Variants in ANKRD13C observed in about 807,000 individuals in gnomAD.
ANKRD13C encodes the protein ankyrin repeat domain 13C.
In ANKRD13C, 16 loss-of-function variants were observed where a neutral mutation model predicts 65.5. The ratio of observed to expected loss-of-function variants is 0.24; its 90% CI spans 0.17 to 0.37. ANKRD13C has a LOEUF of 0.37. ANKRD13C is among the 10% of genes least tolerant of loss of function. ANKRD13C has a pLI of 1.00. For synonymous variants in ANKRD13C, 235 were observed against 238.7 expected (o/e 0.98, Z 0.14); for missense variants, 503 against 655.9 (o/e 0.77, Z 2.55).
At position 70,354,403 on chromosome 1, in the gene ANKRD13C, G is replaced by A. The variant is rs748000062; in HGVS notation, c.6C>T (p.Thr2=). M[T]GEKIRSLRRD... is the part of the protein sequence containing the mutation. ...TCCGCAGTGAGCGGATCTTCTCCCC[G>A]GTCATCGCCGCCGCCAGGGGCAAGG... Residue 2 remains threonine, a synonymous_variant, in exon 1 of 13, where the codon ACC becomes ACT. Coordinates refer to ENST00000370944, the MANE Select transcript of ANKRD13C (RefSeq NM_030816.5). The A allele has an allele frequency of 6.2e-7, 1 of 1,610,566 alleles. No homozygotes were observed. The highest frequency in any genetic ancestry group is 2.2e-5 in the East Asian group (1 of 44,788).
intron 12 of ANKRD13C, among the ~76,000 whole-genome samples, chr1:70,264,939 A>G (rs1678547760): frequency 6.6e-6 from 1 of 152,200 alleles, no homozygotes; most frequent in South Asian, 2.1e-4. Context: ...TGGAGGACGA[A>G]AATTCCAAAT....
intron 3 of ANKRD13C, among the ~76,000 whole-genome samples, chr1:70,319,145 A>G (rs1484875629): frequency 6.6e-6 from 1 of 152,206 alleles, no homozygotes. Context: ...TTATCTAATA[A>G]TAACAAGCCC....
At chr1:70,335,234 G>C (rs1681970329) in intron 2 of ANKRD13C, among the ~76,000 whole-genome samples, 1 of 151,774 alleles carries the variant, frequency 6.6e-6, no homozygotes, top group Non-Finnish European at 1.5e-5. Context: ...GTGAAGCCCT[G>C]TCTCTACTAA....
chr1:70,302,341 G>T (rs1042034625), intron 6 of ANKRD13C, among the ~76,000 whole-genome samples: 13 of 152,044 alleles, frequency 8.6e-5, no homozygotes, highest in Non-Finnish European at 1.6e-4. Context: ...TTGCTTTATA[G>T]CTGAATTCTA....
Position 70,354,633 on chromosome 1 carries a change from G to A in ANKRD13C, c.-225C>T. On this transcript the variant is annotated 5_prime_UTR_variant, in exon 1 of 13. Coordinates refer to ENST00000370944, the MANE Select transcript of ANKRD13C (RefSeq NM_030816.5). ...CGCTGGGGGAAGCTAGAACTCAGGTGCCCACGACACCAGGATCTCAGTCTC... is the reference window on the plus strand; with the variant it reads ...CGCTGGGGGAAGCTAGAACTCAGGTACCCACGACACCAGGATCTCAGTCTC... 1 of 1,064,330 alleles carries A rather than the reference G, an allele frequency of 9.4e-7. No homozygotes were observed. The highest frequency in any genetic ancestry group is 1.3e-6 in the Non-Finnish European group (1 of 763,250). The allele number at this position is 1,064,330 out of a possible 1,614,324, so 65.9% of individuals were successfully genotyped here. A position where few individuals can be genotyped will look rare whatever the true frequency, so the allele number is the denominator to read the frequency against.
At chr1:70,315,406 A>G in intron 4 of ANKRD13C, 75 bp downstream of exon 4, 2 of 1,285,094 alleles carry the variant, frequency 1.6e-6, no homozygotes, top group Admixed American at 2.2e-5. Flanking sequence ...TTTAAGTTGT[A>G]TTAAGAAAAA....
In ANKRD13C at chr1:70,354,194, G is replaced by A. The variant is rs1352074740; in HGVS notation, c.215C>T (p.Pro72Leu). ...CAGCGGCAGAGCCGGGGCGCCGGGG[G>A]GATTGGAGGAGGCCGGAGCTGCCTT... ...QLKAAPASSNPPGAPALPLHN... is the reference protein window; with the variant it reads ...QLKAAPASSNLPGAPALPLHN... Residue 72 changes from proline (P) to leucine (L), a missense_variant, in exon 1 of 13, where the codon CCC (proline) becomes CTC (leucine). Pro to Leu is a moderately conservative substitution (Grantham distance 98). Transcript: ENST00000370944. 2.0e-5 allele frequency: 32 copies of A among 1,613,750 alleles called. No homozygotes were observed. The highest frequency in any genetic ancestry group is 2.5e-5 in the Non-Finnish European group (30 of 1,180,034).
At position 70,315,050 on chromosome 1, in the gene ANKRD13C, G is replaced by A. The variant is rs149657867; in HGVS notation, c.663+431C>T. Among the ~76,000 whole-genome samples the A allele has an allele frequency of 7.8e-3, 1,182 of 152,190 alleles. 15 individuals carry two copies. Among genetic ancestry groups the A allele is most frequent in the African/African-American group, 0.027 (1,122 of 41,532 alleles). ...GCTCAGGAGTTTGATACCAGCCTGG[G>A]TAATATGGTGAAACCCCATCTCTAC... is the stretch of plus-strand genomic sequence containing the variant. On this transcript the variant is annotated intron_variant, in intron 4 of 12. Transcript: ENST00000370944.
intron 5 of ANKRD13C, among the ~76,000 whole-genome samples, chr1:70,310,646 T>TA (rs1680810366): frequency 6.6e-6 from 1 of 152,356 alleles, no homozygotes; most frequent in African/African-American, 2.4e-5. Flanking sequence ...TTAGTATAAT[T>TA]AAAATATCAC....
intron 9 of ANKRD13C, among the ~76,000 whole-genome samples, chr1:70,287,394 A>T (rs58696538): frequency 0.095 from 14,403 of 152,032 alleles, 822 homozygotes; most frequent in East Asian, 0.29. Context: ...AGGCAAAAAA[A>T]AAATAAATAA....
chr1:70,281,944 G>A (rs139020388), intron 9 of ANKRD13C, among the ~76,000 whole-genome samples: 62 of 151,202 alleles, frequency 4.1e-4, no homozygotes, highest in African/African-American at 1.2e-3. Flanking sequence ...AGGTTGCAGT[G>A]AGCTGAGGTC....
intron 7 of ANKRD13C, among the ~76,000 whole-genome samples, chr1:70,298,935 C>G (rs910631959): frequency 2.0e-5 from 3 of 151,876 alleles, no homozygotes; most frequent in Non-Finnish European, 4.4e-5. Flanking sequence ...GTTTACCAAC[C>G]TATAGCGTAG....
chr1:70,347,624 T>G (rs974942242), intron 1 of ANKRD13C, among the ~76,000 whole-genome samples: 2 of 152,194 alleles, frequency 1.3e-5, no homozygotes, highest in Non-Finnish European at 2.9e-5. Context: ...TGTGTTCTTA[T>G]CACAACATTT....
At chr1:70,323,806 C>A (rs902004939) in intron 3 of ANKRD13C, among the ~76,000 whole-genome samples, 8 of 150,796 alleles carry the variant, frequency 5.3e-5, no homozygotes, top group Non-Finnish European at 1.5e-5. Context: ...CTCACTGCAA[C>A]CTCCGCCTCC....
intron 11 of ANKRD13C, among the ~76,000 whole-genome samples, chr1:70,273,378 A>C (rs1417125488): frequency 1.3e-5 from 2 of 152,176 alleles, no homozygotes; most frequent in African/African-American, 4.8e-5. Flanking sequence ...TTTAGTGAGG[A>C]GCCTAAAACT....
At chr1:70,345,910 A>C (rs767205493) in intron 1 of ANKRD13C, among the ~76,000 whole-genome samples, 39 of 152,224 alleles carry the variant, frequency 2.6e-4, no homozygotes, top group Non-Finnish European at 5.1e-4. Flanking sequence ...TTAAAGTAAA[A>C]ATGGTGTTCC....
At chr1:70,330,430 C>A (rs186548102) in intron 2 of ANKRD13C, among the ~76,000 whole-genome samples, 1 of 151,746 alleles carries the variant, frequency 6.6e-6, no homozygotes, top group Non-Finnish European at 1.5e-5. Flanking sequence ...TGGTGGCATG[C>A]GCCTGTAATC....
At chr1:70,330,574 C>CAAAAA (rs71071394) in intron 2 of ANKRD13C, among the ~76,000 whole-genome samples, 222 of 67,912 alleles carry the variant, frequency 3.3e-3, no homozygotes, top group South Asian at 6.2e-3. Flanking sequence ...ACAAACAAAC[C>CAAAAA]AAAAAAAAAA....
intron 12 of ANKRD13C, among the ~76,000 whole-genome samples, chr1:70,266,787 G>A (rs1263411734): frequency 1.3e-5 from 2 of 152,050 alleles, no homozygotes; most frequent in African/African-American, 2.4e-5. Flanking sequence ...TAATTCCATT[G>A]TAATCAGAGA....
Sources: gnomAD v4.1 joint callset for allele counts (sites outside exome capture counted in the v4.1 genomes callset) on GRCh38, gnomAD v4.1.1 for gene constraint, MANE v1.5 for transcripts, NCBI Gene and HGNC (gene_info 2026-07-23, HGNC 2026-07-21) for gene names.